The following DCC variants were observed in gnomAD, a reference collection of about 807,000 sequenced individuals.
DCC encodes DCC netrin 1 receptor, also known as netrin receptor DCC.
DCC carries 58 observed loss-of-function variants against 172.5 expected under a neutral mutation model. The ratio of observed to expected loss-of-function variants is 0.34; its 90% CI spans 0.27 to 0.42. The LOEUF is 0.42. Among genes scored for constraint, DCC ranks in the 10% least tolerant of loss-of-function variants. DCC has a pLI of 1.00. For missense variants in DCC, 1,740 were observed against 1,791.0 expected, an observed-to-expected ratio of 0.97 and a Z score of 0.51; for synonymous variants, 709 against 644.5, an observed-to-expected ratio of 1.10 and a Z score of -1.52.
intron 2 of DCC, 109 bp downstream of exon 2, chr18:52,752,483 T>C: frequency 1.2e-6 from 1 of 845,990 alleles, no homozygotes; most frequent in Middle Eastern, 2.6e-4. Flanking sequence ...TTTAAAAATC[T>C]TTTAAATTTT....
Position 52,775,125 on chromosome 18 carries a change from G to A in DCC, c.412+22751G>A, listed in dbSNP as rs2037406594. On this transcript the variant is annotated intron_variant, in intron 2 of 28. Transcript: ENST00000442544. ...CCCTTCGTCCACGCTCACCTTCCAGGATCCTGGGTGAGGCCCCAGTTGAAA... is the reference window on the plus strand; with the variant it reads ...CCCTTCGTCCACGCTCACCTTCCAGAATCCTGGGTGAGGCCCCAGTTGAAA... Among the ~76,000 whole-genome samples, 3 of 152,134 alleles carry A rather than the reference G, an allele frequency of 2.0e-5. No homozygotes were observed. In the South Asian group the frequency reaches 6.2e-4, roughly 32 times the overall value.
chr18:52,949,840 T>G (rs1398206079), intron 5 of DCC, among the ~76,000 whole-genome samples: 3 of 152,272 alleles, frequency 2.0e-5, no homozygotes, highest in Non-Finnish European at 4.4e-5. Flanking sequence ...AATATATTTC[T>G]GGCTTTCCTT....
chr18:53,057,723 C>T (rs2042430248), intron 5 of DCC, among the ~76,000 whole-genome samples: 1 of 152,048 alleles, frequency 6.6e-6, no homozygotes, highest in Non-Finnish European at 1.5e-5. Context: ...CTTAAAAATT[C>T]ATGGTACTTT....
intron 2 of DCC, among the ~76,000 whole-genome samples, chr18:52,882,916 T>C (rs2039508312): frequency 6.6e-6 from 1 of 152,136 alleles, no homozygotes; most frequent in African/African-American, 2.4e-5. Context: ...AGTATTTGCT[T>C]TATATGTCTG....
At chr18:52,401,865 T>A (rs192505625) in intron 1 of DCC, among the ~76,000 whole-genome samples, 28 of 152,154 alleles carry the variant, frequency 1.8e-4, no homozygotes, top group Admixed American at 1.7e-3. Context: ...ATTTTTGGCC[T>A]ATTTAATTCT....
chr18:53,128,830 T>TAC (rs1209652447), intron 7 of DCC, among the ~76,000 whole-genome samples: 5,701 of 85,232 alleles, frequency 0.067, 205 homozygotes, highest in Non-Finnish European at 0.1. Flanking sequence ...TGTATACACA[T>TAC]ACACACACAC....
intron 20 of DCC, 79 bp from the exon 21 acceptor site, chr18:53,416,045 A>C (rs1326571894): frequency 5.7e-6 from 6 of 1,051,280 alleles, no homozygotes; most frequent in Non-Finnish European, 8.9e-6. Flanking sequence ...CTTACTAAAA[A>C]GAACTGTTGG....
chr18:52,978,667 C>G (rs1453583527), intron 5 of DCC, among the ~76,000 whole-genome samples: 8 of 152,102 alleles, frequency 5.3e-5, no homozygotes, highest in Non-Finnish European at 8.8e-5. Flanking sequence ...ATTCCAGAAG[C>G]CATGCCCTTA....
At chr18:52,853,874 G>A (rs1422970295) in intron 2 of DCC, among the ~76,000 whole-genome samples, 2 of 152,224 alleles carry the variant, frequency 1.3e-5, no homozygotes, top group Non-Finnish European at 2.9e-5. Flanking sequence ...CGGGGTAGGA[G>A]TCCCAGCCTT....
At chr18:53,277,861 A>T (rs926660719) in intron 12 of DCC, among the ~76,000 whole-genome samples, 3 of 152,124 alleles carry the variant, frequency 2.0e-5, no homozygotes, top group Non-Finnish European at 4.4e-5. Context: ...CGGGATAGCA[A>T]TTTGCTGCTG....
intron 1 of DCC, among the ~76,000 whole-genome samples, chr18:52,696,811 A>G (rs1198082016): frequency 6.6e-6 from 1 of 152,226 alleles, no homozygotes; most frequent in Non-Finnish European, 1.5e-5. Context: ...ATCGAAGGCT[A>G]CAATATAGTC....
chr18:52,738,512 A>G (rs971707719), intron 1 of DCC, among the ~76,000 whole-genome samples: 4 of 152,166 alleles, frequency 2.6e-5, no homozygotes, highest in African/African-American at 9.7e-5. Flanking sequence ...GACTTATATA[A>G]GGCACTTACC....
intron 10 of DCC, among the ~76,000 whole-genome samples, chr18:53,206,125 A>ACATATACATCTATATGT (rs1261497561): frequency 1.7e-5 from 1 of 60,004 alleles, no homozygotes; most frequent in Non-Finnish European, 3.8e-5. Context: ...ATATAAGCAT[A>ACATATACATCTATATGT]ATACATATAC....
intron 1 of DCC, among the ~76,000 whole-genome samples, chr18:52,486,851 A>G (rs1055531668): frequency 2.0e-5 from 3 of 152,152 alleles, no homozygotes; most frequent in African/African-American, 7.2e-5. Context: ...GAATCAAAGC[A>G]AAATGGTGTC....
intron 15 of DCC, among the ~76,000 whole-genome samples, chr18:53,348,440 T>A (rs1218719395): frequency 6.6e-6 from 1 of 152,180 alleles, no homozygotes; most frequent in African/African-American, 2.4e-5. Flanking sequence ...TGGCTGCTTT[T>A]ATAGGCTGGC....
At chr18:53,023,725 T>A (rs1034079053) in intron 5 of DCC, among the ~76,000 whole-genome samples, 2 of 152,146 alleles carry the variant, frequency 1.3e-5, no homozygotes, top group Admixed American at 6.6e-5. Flanking sequence ...TTTATAATAA[T>A]AATATAGAGT....
intron 2 of DCC, among the ~76,000 whole-genome samples, chr18:52,782,635 C>T (rs1457551428): frequency 6.6e-6 from 1 of 152,046 alleles, no homozygotes; most frequent in Non-Finnish European, 1.5e-5. Context: ...TCTCCATGTG[C>T]ATCTTTCTTC....
At chr18:52,765,741 G>A (rs2037239254) in intron 2 of DCC, among the ~76,000 whole-genome samples, 1 of 152,176 alleles carries the variant, frequency 6.6e-6, no homozygotes, top group Non-Finnish European at 1.5e-5. Flanking sequence ...ACAGAACCTT[G>A]CTAGTTGTGT....
Position 53,432,740 on chromosome 18 carries a change from C to CATTATTATT in DCC, c.3164-2389_3164-2381dup, listed in dbSNP as rs3059177. Among the ~76,000 whole-genome samples the CATTATTATT allele has an allele frequency of 5.3e-5, 8 of 150,660 alleles. No individual in the cohort carries two copies. The South Asian group carries it at 1.1e-3, about 20-fold the overall frequency. ...TTAAAGCAATGGGAGAATCTTTTAT[C>CATTATTATT]ATTATTATTATTATTATTATTATGT... On this transcript the variant is annotated intron_variant, in intron 21 of 28. Transcript: ENST00000442544.
Sources: allele counts gnomAD v4.1 joint callset (sites outside exome capture counted in the v4.1 genomes callset), GRCh38; gene constraint gnomAD v4.1.1; transcripts MANE v1.5; gene names NCBI Gene and HGNC (gene_info 2026-07-23, HGNC 2026-07-21).